Variants in SLCO1A2 observed in about 807,000 individuals in gnomAD.
The protein encoded by SLCO1A2 is solute carrier organic anion transporter family member 1A2.
In SLCO1A2, 67 loss-of-function variants were observed where a neutral mutation model predicts 69.0. The observed-to-expected ratio is 0.97, with a 90% CI of 0.80 to 1.19. The LOEUF is 1.19. SLCO1A2 is among the 50% of genes most tolerant of loss of function. The probability of loss-of-function intolerance (pLI) is 0.00; values close to 1 mark genes in which losing one functional copy is unlikely to be tolerated. For missense variants in SLCO1A2, 787 were observed against 793.7 expected (o/e 0.99, Z 0.10); for synonymous variants, 260 against 265.9 (o/e 0.98, Z 0.22).
At chr12:21,334,567 C>G (rs1353279922) in intron 2 of SLCO1A2, 21 bp downstream of exon 2, 2 of 1,574,418 alleles carry the variant, frequency 1.3e-6, no homozygotes, top group Admixed American at 3.4e-5. Flanking sequence ...GCACATATAT[C>G]CACATACAAA....
At chr12:21,409,329 G>C (rs1314061272) in intron 1 of SLCO1A2, among the ~76,000 whole-genome samples, 1 of 152,182 alleles carries the variant, frequency 6.6e-6, no homozygotes, top group Non-Finnish European at 1.5e-5. Flanking sequence ...CTATTGGATA[G>C]ATAGTATAAA....
chr12:21,298,475 A>G (rs189190066), intron 8 of SLCO1A2, among the ~76,000 whole-genome samples: 3 of 152,264 alleles, frequency 2.0e-5, no homozygotes, highest in East Asian at 1.9e-4. Flanking sequence ...CTTATGCACA[A>G]TCTTGGTTTG....
intron 2 of SLCO1A2, among the ~76,000 whole-genome samples, chr12:21,342,154 T>C (rs1682487724): frequency 6.6e-6 from 1 of 152,052 alleles, no homozygotes; most frequent in African/African-American, 2.4e-5. Context: ...TCTCAAAATA[T>C]AACCTAATGA....
At chr12:21,357,459 C>A (rs1938463060) in intron 2 of SLCO1A2, among the ~76,000 whole-genome samples, 1 of 152,200 alleles carries the variant, frequency 6.6e-6, no homozygotes, top group African/African-American at 2.4e-5. Context: ...AGACTTCTTG[C>A]CTCCAGAACT....
At chr12:21,325,539 C>A (rs985343697) in intron 2 of SLCO1A2, among the ~76,000 whole-genome samples, 1 of 152,130 alleles carries the variant, frequency 6.6e-6, no homozygotes, top group Non-Finnish European at 1.5e-5. Flanking sequence ...AGATTTGCCC[C>A]AGGCAATTTC....
intron 2 of SLCO1A2, among the ~76,000 whole-genome samples, chr12:21,324,033 C>A (rs1951979139): frequency 6.6e-6 from 1 of 152,124 alleles, no homozygotes; most frequent in African/African-American, 2.4e-5. Flanking sequence ...ACCATCATTC[C>A]AGTTTCCTTG....
At chr12:21,391,233 T>G (rs1157766794) in intron 1 of SLCO1A2, among the ~76,000 whole-genome samples, 2 of 152,130 alleles carry the variant, frequency 1.3e-5, no homozygotes. Flanking sequence ...AGCATTACTA[T>G]AAGTGATGAA....
chr12:21,386,062 T>C (rs1363739790), intron 1 of SLCO1A2, among the ~76,000 whole-genome samples: 1 of 152,192 alleles, frequency 6.6e-6, no homozygotes, highest in Admixed American at 6.5e-5. Context: ...TTTTCAACTT[T>C]CATATTGAAG....
At chr12:21,399,855 C>T (rs1941626308), upstream of SLCO1A2, among the ~76,000 whole-genome samples, 2 of 145,800 alleles carry the variant, frequency 1.4e-5, no homozygotes, top group African/African-American at 2.5e-5. Context: ...CCCTTCCTTA[C>T]ACCTTATACA....
intron 1 of SLCO1A2, among the ~76,000 whole-genome samples, chr12:21,415,168 TCA>T (rs1941970039): frequency 6.6e-6 from 1 of 152,060 alleles, no homozygotes; most frequent in Non-Finnish European, 1.5e-5. Context: ...ATTCATTATT[TCA>T]GTTTGTCCCA....
intron 1 of SLCO1A2, among the ~76,000 whole-genome samples, chr12:21,413,809 C>T (rs1397475530): frequency 3.9e-5 from 6 of 152,116 alleles, no homozygotes; most frequent in Non-Finnish European, 8.8e-5. Flanking sequence ...GTCACGGTAA[C>T]AGAGGCGGCT....
chr12:21,387,573 A>T (rs1362280151), intron 1 of SLCO1A2, among the ~76,000 whole-genome samples: 2 of 152,190 alleles, frequency 1.3e-5, no homozygotes, highest in Admixed American at 1.3e-4. Flanking sequence ...AGAAGTCAAG[A>T]ATTGAGGTTT....
At chr12:21,305,295 A>T (rs1215402760) in intron 5 of SLCO1A2, among the ~76,000 whole-genome samples, 3 of 152,188 alleles carry the variant, frequency 2.0e-5, no homozygotes, top group Non-Finnish European at 2.9e-5. Context: ...TCTCTTTGCC[A>T]TCTATGTTCT....
At chr12:21,327,587 G>A (rs1952332543) in intron 2 of SLCO1A2, among the ~76,000 whole-genome samples, 1 of 152,200 alleles carries the variant, frequency 6.6e-6, no homozygotes, top group Non-Finnish European at 1.5e-5. Context: ...TGACCTGGAT[G>A]TGAGACACGC....
At position 21,352,585 on chromosome 12, in the gene SLCO1A2, T is replaced by A. The variant is rs113720449; in HGVS notation, c.-62-17876A>T. On this transcript the variant is annotated intron_variant, in intron 2 of 15. Coordinates refer to the SLCO1A2 transcript ENST00000307378. ...GCTGCCTACATATGAACACACTCTT[T>A]ATTAATTAATACCTGTCATCTGTTG... is the stretch of plus-strand genomic sequence containing the variant. 2.2e-4 allele frequency among the ~76,000 whole-genome samples: 33 copies of A among 152,300 alleles called. 1 individual carries two copies. Among genetic ancestry groups the A allele is most frequent in the African/African-American group, 7.9e-4 (33 of 41,568 alleles).
chr12:21,275,186 A>AT (rs1211965603), intron 13 of SLCO1A2, 174 bp downstream of exon 13: 1 of 764,658 alleles, frequency 1.3e-6, no homozygotes, highest in African/African-American at 1.8e-5. Context: ...GCATTAGGAG[A>AT]TTCACCTAAT....
chr12:21,313,436 G>C (rs188721649), intron 4 of SLCO1A2, among the ~76,000 whole-genome samples: 3 of 152,350 alleles, frequency 2.0e-5, no homozygotes, highest in Non-Finnish European at 2.9e-5. Context: ...GGCAAGGCTT[G>C]GCCAGGTGGC....
At chr12:21,275,919 G>GTGAT (rs1259676261) in intron 12 of SLCO1A2, among the ~76,000 whole-genome samples, 2 of 151,496 alleles carry the variant, frequency 1.3e-5, no homozygotes, top group Admixed American at 6.6e-5. Flanking sequence ...TCCAGCCTGG[G>GTGAT]TGATAGAGCT....
intron 1 of SLCO1A2, among the ~76,000 whole-genome samples, chr12:21,389,702 G>A (rs1322418884): frequency 6.6e-6 from 1 of 151,466 alleles, no homozygotes; most frequent in Admixed American, 6.6e-5. Flanking sequence ...ATCTAGGATG[G>A]ATTTTAACAC....
Sources: gnomAD v4.1 joint callset for allele counts (sites outside exome capture counted in the v4.1 genomes callset) on GRCh38, gnomAD v4.1.1 for gene constraint, MANE v1.5 for transcripts, NCBI Gene and HGNC (gene_info 2026-07-23, HGNC 2026-07-21) for gene names.